The following SPIRE1 variants were observed in gnomAD, a reference collection of about 807,000 sequenced individuals.
SPIRE1 encodes the protein protein spire homolog 1.
A neutral mutation model predicts 94.1 loss-of-function variants in SPIRE1; 40 were observed. That is an observed-to-expected ratio of 0.43 (90% CI 0.33 to 0.55). SPIRE1 has a LOEUF of 0.55. Among genes scored for constraint, SPIRE1 ranks in the 20% least tolerant of loss-of-function variants. The pLI, the probability that SPIRE1 is intolerant of heterozygous loss-of-function variation, is 0.06. For missense variants in SPIRE1, 838 were observed against 975.2 expected (o/e 0.86, Z 1.87); for synonymous variants, 376 against 371.7 (o/e 1.01, Z -0.13).
At position 12,603,419 on chromosome 18, in the gene SPIRE1, T is replaced by C. The variant is rs139420891; in HGVS notation, c.372+31643A>G. ...ATGTCCAAAGTGATGGGTGTCTTTT[T>C]GTATATTAATGATTGAAGGCTGGGC... On this transcript the variant is annotated intron_variant, in intron 2 of 16. Coordinates refer to ENST00000409402, the MANE Select transcript of SPIRE1 (RefSeq NM_001128626.2). 2.6e-3 allele frequency among the ~76,000 whole-genome samples: 391 copies of C among 152,254 alleles called. 14 individuals carry two copies. In the East Asian group the frequency reaches 0.062, roughly 24 times the overall value.
intron 12 of SPIRE1, among the ~76,000 whole-genome samples, chr18:12,462,386 T>C (rs1422110539): frequency 6.6e-6 from 1 of 152,222 alleles, no homozygotes; most frequent in Non-Finnish European, 1.5e-5. Context: ...TATTTGACTG[T>C]GGGTAGAATA....
intron 2 of SPIRE1, among the ~76,000 whole-genome samples, chr18:12,558,030 TG>T (rs2035569100): frequency 6.6e-6 from 1 of 152,172 alleles, no homozygotes. Flanking sequence ...AAAATCATAC[TG>T]GATTAAAGAC....
chr18:12,474,828 C>T (rs1432429691), intron 10 of SPIRE1, among the ~76,000 whole-genome samples: 1 of 151,988 alleles, frequency 6.6e-6, no homozygotes, highest in East Asian at 1.9e-4. Context: ...CAAAAAACCC[C>T]CCCAAAAAAC....
rs149970532 is a variant in SPIRE1 at position 12,493,097 on chromosome 18, T to C, written c.1164A>G (p.Pro388=). The C allele has an allele frequency of 1.7e-5, 28 of 1,613,284 alleles. No homozygotes were observed. Among genetic ancestry groups the C allele is most frequent in the Non-Finnish European group, 2.0e-5 (24 of 1,179,920 alleles). ...KAERKLRPVS[P]EEIRRSRLAM... is the part of the protein sequence containing the mutation. ...CTAATCTGCTACGTCTAATCTCCTC[T>C]GGTGATACAGGCCGCAGCTTTCTTT... The change falls in exon 8 of 17, where the codon CCA becomes CCG. Residue 388 remains proline (P), a synonymous_variant. Coordinates refer to ENST00000409402, the MANE Select transcript of SPIRE1 (RefSeq NM_001128626.2).
chr18:12,609,199 G>A (rs928406490), intron 2 of SPIRE1, among the ~76,000 whole-genome samples: 6 of 152,168 alleles, frequency 3.9e-5, no homozygotes, highest in Non-Finnish European at 8.8e-5. Context: ...CGTCTGTAAT[G>A]GTCTGTGGCC....
chr18:12,612,237 A>G (rs2144690469), intron 2 of SPIRE1, among the ~76,000 whole-genome samples: 1 of 152,306 alleles, frequency 6.6e-6, no homozygotes, highest in South Asian at 2.1e-4. Context: ...TTCCTCCATG[A>G]AACAATTTAC....
chr18:12,576,660 C>A (rs1009113993), intron 2 of SPIRE1, among the ~76,000 whole-genome samples: 8 of 148,934 alleles, frequency 5.4e-5, no homozygotes, highest in Non-Finnish European at 5.9e-5. Flanking sequence ...GAGGCCAAGG[C>A]GGGCAGATCA....
intron 13 of SPIRE1, among the ~76,000 whole-genome samples, chr18:12,453,714 G>A (rs993357413): frequency 4.6e-5 from 7 of 151,826 alleles, no homozygotes; most frequent in East Asian, 1.9e-4. Flanking sequence ...GATTACAGGC[G>A]TGAGCCACTG....
At chr18:12,611,394 G>A (rs1026338715) in intron 2 of SPIRE1, among the ~76,000 whole-genome samples, 3 of 152,196 alleles carry the variant, frequency 2.0e-5, no homozygotes, top group African/African-American at 7.2e-5. Context: ...GCCTTGTCAG[G>A]AGGATACTTA....
chr18:12,476,735 G>T (rs1007977834), intron 10 of SPIRE1, among the ~76,000 whole-genome samples: 34 of 150,276 alleles, frequency 2.3e-4, no homozygotes, highest in Non-Finnish European at 2.1e-4. Context: ...GGAACATAAG[G>T]CATTCCCACA....
intron 10 of SPIRE1, among the ~76,000 whole-genome samples, chr18:12,473,186 G>A (rs945771587): frequency 6.6e-6 from 1 of 152,136 alleles, no homozygotes; most frequent in African/African-American, 2.4e-5. Context: ...GCCTCCCAGA[G>A]TGCTGGGATT....
In SPIRE1 at chr18:12,657,843, C is replaced by T; in HGVS notation, c.24G>A (p.Ala8=). 4.4e-6 allele frequency: 5 copies of T among 1,124,520 alleles called. No homozygotes were observed. Among genetic ancestry groups the T allele is most frequent in the Non-Finnish European group, 5.4e-6 (5 of 922,994 alleles). The allele number at this position is 1,124,520 out of a possible 1,614,324, so 69.7% of individuals were successfully genotyped here. Residue 8 remains alanine, a synonymous_variant, in exon 1 of 17, where the codon GCG becomes GCA. Transcript: ENST00000409402. ...CCTCAGTCCGCGGCTCCCCGCCGCC[C>T]GCCGGGCCAGCCGCCTGAGCCATCC... MAQAAGP[A]GGGEPRTEAV...
chr18:12,635,199 G>C, intron 1 of SPIRE1, 103 bp from the exon 2 acceptor site: 1 of 616,348 alleles, frequency 1.6e-6, no homozygotes, highest in South Asian at 2.0e-5. Context: ...TTATGTCTAT[G>C]AGAATATCTA....
chr18:12,617,502 C>A (rs1369631342), intron 2 of SPIRE1, among the ~76,000 whole-genome samples: 1 of 152,108 alleles, frequency 6.6e-6, no homozygotes, highest in Non-Finnish European at 1.5e-5. Context: ...ACCTCTGCCC[C>A]CGGGTTCAAG....
chr18:12,459,742 G>A (rs1742735129), intron 12 of SPIRE1: 1 of 985,784 alleles, frequency 1.0e-6, no homozygotes, highest in Non-Finnish European at 1.2e-6. Context: ...AGACCCAGCA[G>A]AAAGAGGCCA....
intron 1 of SPIRE1, among the ~76,000 whole-genome samples, chr18:12,647,078 A>G (rs2038248785): frequency 6.6e-6 from 1 of 151,788 alleles, no homozygotes; most frequent in African/African-American, 2.4e-5. Context: ...CACAATTAGT[A>G]TAAAAAGACC....
chr18:12,595,080 C>T (rs2036633659), intron 2 of SPIRE1, among the ~76,000 whole-genome samples: 1 of 152,136 alleles, frequency 6.6e-6, no homozygotes, highest in African/African-American at 2.4e-5. Flanking sequence ...GAGTTCAAGA[C>T]CAGTGTGGGC....
intron 4 of SPIRE1, among the ~76,000 whole-genome samples, chr18:12,518,823 C>G (rs2034275859): frequency 6.6e-6 from 1 of 152,014 alleles, no homozygotes; most frequent in African/African-American, 2.4e-5. Flanking sequence ...GAATATCAGC[C>G]ACACAGATTA....
intron 3 of SPIRE1, among the ~76,000 whole-genome samples, chr18:12,538,312 G>A (rs1348294290): frequency 2.6e-5 from 4 of 152,066 alleles, no homozygotes; most frequent in Non-Finnish European, 4.4e-5. Flanking sequence ...GGGGTTAGGG[G>A]GACAAAATTA....
Sources: gnomAD v4.1 joint callset for allele counts (sites outside exome capture counted in the v4.1 genomes callset) on GRCh38, gnomAD v4.1.1 for gene constraint, MANE v1.5 for transcripts, NCBI Gene and HGNC (gene_info 2026-07-23, HGNC 2026-07-21) for gene names.